Variants in SPAG9 observed in about 807,000 individuals in gnomAD.
The protein encoded by SPAG9 is sperm associated antigen 9, also known as C-Jun-amino-terminal kinase-interacting protein 4.
A neutral mutation model predicts 166.5 loss-of-function variants in SPAG9; 35 were observed. The ratio of observed to expected loss-of-function variants is 0.21; its 90% confidence interval spans 0.16 to 0.28. The LOEUF is 0.28. Ranked by LOEUF, SPAG9 falls within the 10% of genes least tolerant of loss-of-function variation. The pLI, the probability that SPAG9 is intolerant of heterozygous loss-of-function variation, is 1.00. For synonymous variants in SPAG9, 534 were observed against 565.5 expected, an observed-to-expected ratio of 0.94 and a Z score of 0.79; for missense variants, 1,235 against 1,603.3, an observed-to-expected ratio of 0.77 and a Z score of 3.92.
chr17:51,065,093 A>G (rs1392777616), intron 2 of SPAG9, among the ~76,000 whole-genome samples: 1 of 152,258 alleles, frequency 6.6e-6, no homozygotes, highest in Non-Finnish European at 1.5e-5. Flanking sequence ...ATTGCACTCC[A>G]GCCTGGGCAA....
Position 51,041,567 on chromosome 17 carries a change from C to G in SPAG9, c.675G>C (p.Glu225Asp), listed in dbSNP as rs938814123. Residue 225 changes from glutamate to aspartate, a missense_variant, in exon 5 of 30, where the codon GAG (glutamate) becomes GAC (aspartate). Glu to Asp is a conservative substitution (Grantham distance 45, BLOSUM62 2). Transcript: ENST00000262013. ...ATTTCCATTGCTCAGATCCAGGGGT[C>G]TCTCCTCCTTTCTGAGCATCAGGTG... ...LLTPDAQKGGETPGSEQWKFQ... is the reference protein window; with the variant it reads ...LLTPDAQKGGDTPGSEQWKFQ... The G allele has an allele frequency of 8.7e-6, 14 of 1,613,768 alleles. No individual in the cohort carries two copies. The highest frequency in any genetic ancestry group is 1.1e-5 in the Non-Finnish European group (13 of 1,179,824).
intron 29 of SPAG9, among the ~76,000 whole-genome samples, chr17:50,969,778 C>T (rs1973637904): frequency 6.6e-6 from 1 of 152,146 alleles, no homozygotes; most frequent in Non-Finnish European, 1.5e-5. Context: ...CCCAACCTGA[C>T]CCTTTGTGCT....
At chr17:51,099,758 C>CT (rs2048748887) in intron 1 of SPAG9, among the ~76,000 whole-genome samples, 2 of 49,204 alleles carry the variant, frequency 4.1e-5, no homozygotes, top group East Asian at 5.6e-4. Context: ...TCTTCTATTA[C>CT]TAAAAAAAAA....
Position 51,039,288 on chromosome 17 carries a change from C to T in SPAG9, c.741+2213G>A, listed in dbSNP as rs551977655. 2.6e-5 allele frequency among the ~76,000 whole-genome samples: 4 copies of T among 152,242 alleles called. 1 individual carries two copies. In the South Asian group the frequency reaches 6.2e-4, roughly 24 times the overall value. ...GTCCAATTCCTGTTATACACAGAAACCAAAATGACAGGGCATGTGACATAC... is the reference window on the plus strand; with the variant it reads ...GTCCAATTCCTGTTATACACAGAAATCAAAATGACAGGGCATGTGACATAC... On this transcript the variant is annotated intron_variant, in intron 5 of 29. Coordinates refer to ENST00000262013, the MANE Select transcript of SPAG9 (RefSeq NM_001130528.3).
intron 1 of SPAG9, among the ~76,000 whole-genome samples, chr17:51,095,974 GATAT>G (rs372902683): frequency 0.25 from 19,976 of 81,408 alleles, 3,023 homozygotes; most frequent in Admixed American, 0.27. Context: ...TATATATAGT[GATAT>G]ATATATATAT....
chr17:51,053,097 T>A (rs1289175603), intron 3 of SPAG9, among the ~76,000 whole-genome samples: 4 of 151,706 alleles, frequency 2.6e-5, no homozygotes, highest in African/African-American at 9.7e-5. Context: ...TAATATAGCA[T>A]AATTTAATAA....
chr17:51,048,352 T>A lies in SPAG9; in HGVS notation c.496-883A>T, dbSNP rs909355922. On this transcript the variant is annotated intron_variant, in intron 3 of 29. Transcript: ENST00000262013. ...ATATGAATAAGAAAAAAATGAATTT[T>A]AAAAAACAAGAAATAGTGTGTTAGT... 2.4e-4 allele frequency among the ~76,000 whole-genome samples: 37 copies of A among 152,080 alleles called. No individual in the cohort carries two copies. In the South Asian group the frequency reaches 4.6e-3, roughly 19 times the overall value.
chr17:51,018,360 T>C (rs572169071), intron 8 of SPAG9, among the ~76,000 whole-genome samples: 1 of 150,196 alleles, frequency 6.7e-6, no homozygotes, highest in Admixed American at 6.6e-5. Context: ...CAAGACTGCA[T>C]CTCAAAAAAA....
rs1973311712 is a variant in SPAG9 at position 50,965,424 on chromosome 17, T to C, written c.*848A>G. 1 of 152,178 alleles carries C rather than the reference T, an allele frequency of 6.6e-6. No homozygotes were observed. Among genetic ancestry groups the C allele is most frequent in the African/African-American group, 2.4e-5 (1 of 41,444 alleles). The allele number at this position is 152,178 out of a possible 1,614,324, so 9.4% of individuals were successfully genotyped here. On this transcript the variant is annotated 3_prime_UTR_variant, in exon 30 of 30. Transcript: ENST00000262013. ...AAAAACTCAATCAACATCACCATTC[T>C]CTGGTACAAGAAATACAAAACACAT...
intron 1 of SPAG9, among the ~76,000 whole-genome samples, chr17:51,101,973 G>A (rs764657759): frequency 1.1e-4 from 16 of 151,948 alleles, no homozygotes; most frequent in Non-Finnish European, 1.6e-4. Context: ...GGATTTCCAC[G>A]CCCCCAAAAA....
At chr17:51,053,854 A>AAAAATATATAT (rs1491529465) in intron 3 of SPAG9, among the ~76,000 whole-genome samples, 2 of 34,452 alleles carry the variant, frequency 5.8e-5, no homozygotes, top group African/African-American at 1.6e-4. Flanking sequence ...AAAAAAAAAA[A>AAAAATATATAT]GTATATATAT....
At chr17:51,116,258 C>T (rs1325492081) in intron 1 of SPAG9, among the ~76,000 whole-genome samples, 1 of 152,140 alleles carries the variant, frequency 6.6e-6, no homozygotes, top group Admixed American at 6.5e-5. Context: ...GTTGGCGAGG[C>T]TGGTCCCACA....
intron 3 of SPAG9, among the ~76,000 whole-genome samples, chr17:51,050,840 C>T (rs1013897574): frequency 1.3e-5 from 2 of 151,826 alleles, no homozygotes; most frequent in East Asian, 1.9e-4. Context: ...AGGTCCATTG[C>T]TTCTGGTCTC....
rs535299975 is a variant in SPAG9 at position 51,020,214 on chromosome 17, C to T, written c.1036G>A (p.Glu346Lys). Residue 346 changes from glutamate to lysine, a missense_variant, in exon 8 of 30, where the codon GAA (glutamate) becomes AAA (lysine). Coordinates refer to ENST00000262013, the MANE Select transcript of SPAG9 (RefSeq NM_001130528.3). The stretch of plus-strand genomic sequence containing the variant: ...TCCATATCCAGCTCAGGAGTAGATT[C>T]GATGATTGCTTGAACTTCTGACTTT... ...EEKSEVQAII[E>K]STPELDMDKD... 6.2e-7 allele frequency: 1 copy of T among 1,613,572 alleles called. No homozygotes were observed. The highest frequency in any genetic ancestry group is 2.2e-5 in the East Asian group (1 of 44,848).
intron 27 of SPAG9, chr17:50,975,736 G>T: frequency 1.5e-6 from 1 of 658,022 alleles, no homozygotes; most frequent in Non-Finnish European, 2.6e-6. Flanking sequence ...GACACCTGCT[G>T]CGATGCAGTG....
chr17:51,067,636 G>A (rs1162183684), intron 2 of SPAG9, among the ~76,000 whole-genome samples: 1 of 151,268 alleles, frequency 6.6e-6, no homozygotes, highest in Non-Finnish European at 1.5e-5. Context: ...AAATAAACAA[G>A]ATTCTGTTCA....
At chr17:50,970,081 C>A (rs1412310746) in intron 29 of SPAG9, among the ~76,000 whole-genome samples, 2 of 152,162 alleles carry the variant, frequency 1.3e-5, no homozygotes, top group Admixed American at 1.3e-4. Context: ...TCCATTTTGA[C>A]AGAAAACCGA....
chr17:51,080,719 A>C (rs2048137178), intron 1 of SPAG9, among the ~76,000 whole-genome samples: 1 of 151,906 alleles, frequency 6.6e-6, no homozygotes, highest in Non-Finnish European at 1.5e-5. Context: ...TGTCTCCACT[A>C]AAAATACAAA....
At chr17:51,020,779 T>C (rs1052021277) in intron 7 of SPAG9, among the ~76,000 whole-genome samples, 1 of 152,232 alleles carries the variant, frequency 6.6e-6, no homozygotes, top group Admixed American at 6.5e-5. Flanking sequence ...CCAAAATCCA[T>C]GGATGCTCAG....
Sources: gnomAD v4.1 joint callset for allele counts (sites outside exome capture counted in the v4.1 genomes callset) on GRCh38, gnomAD v4.1.1 for gene constraint, MANE v1.5 for transcripts, NCBI Gene and HGNC (gene_info 2026-07-23, HGNC 2026-07-21) for gene names.